The following KIFC3 variants were observed in gnomAD, a reference collection of about 807,000 sequenced individuals.
KIFC3 encodes kinesin family member C3, also known as kinesin-like protein KIFC3.
In KIFC3, 60 loss-of-function variants were observed where a neutral mutation model predicts 101.8. The ratio of observed to expected loss-of-function variants is 0.59; its 90% CI spans 0.48 to 0.73. KIFC3 has a LOEUF of 0.73. Ranked by LOEUF, KIFC3 falls within the 30% of genes least tolerant of loss-of-function variation. The pLI, the probability that KIFC3 is intolerant of heterozygous loss-of-function variation, is 0.00. For missense variants in KIFC3, 966 were observed against 1,137.1 expected (o/e 0.85, Z 2.16); for synonymous variants, 476 against 482.7 (o/e 0.99, Z 0.18).
chr16:57,788,093 C>G (rs1203322467), intron 3 of KIFC3, among the ~76,000 whole-genome samples: 1 of 152,206 alleles, frequency 6.6e-6, no homozygotes, highest in Admixed American at 6.5e-5. Context: ...CAGGCCCTGC[C>G]AGGGAAGAGC....
At chr16:57,790,892 C>A in intron 3 of KIFC3, 1 of 985,154 alleles carries the variant, frequency 1.0e-6, no homozygotes, top group Non-Finnish European at 1.2e-6. Flanking sequence ...CTCTCTCGAC[C>A]CAGAGCTCCA....
chr16:57,819,803 C>A (rs1182390949), intron 1 of KIFC3, among the ~76,000 whole-genome samples: 1 of 151,856 alleles, frequency 6.6e-6, no homozygotes, highest in Non-Finnish European at 1.5e-5. Context: ...TCGTGATCTG[C>A]CTGCCTCAGC....
intron 4 of KIFC3, 57 bp from the exon 5 acceptor site, chr16:57,771,743 G>A: frequency 1.9e-6 from 3 of 1,567,290 alleles, no homozygotes; most frequent in Non-Finnish European, 2.6e-6. Flanking sequence ...ACGGGGGAAA[G>A]AAGAGAGGCC....
chr16:57,840,262 C>G (rs778879802), intron 1 of KIFC3, among the ~76,000 whole-genome samples: 1 of 151,920 alleles, frequency 6.6e-6, no homozygotes, highest in Non-Finnish European at 1.5e-5. Context: ...TGCTTGAACC[C>G]GGGAGGTGGA....
chr16:57,808,825 G>A (rs2055003127), intron 1 of KIFC3, among the ~76,000 whole-genome samples: 1 of 152,216 alleles, frequency 6.6e-6, no homozygotes, highest in Admixed American at 6.5e-5. Context: ...GTGAAAATGA[G>A]AGTAGGGCTA....
chr16:57,772,490 G>C, intron 3 of KIFC3: 1 of 521,844 alleles, frequency 1.9e-6, no homozygotes, highest in Non-Finnish European at 3.5e-6. Flanking sequence ...ACAGCCTCCC[G>C]CACCCTCTCC....
intron 1 of KIFC3, among the ~76,000 whole-genome samples, chr16:57,809,661 T>TA (rs1414617724): frequency 2.0e-5 from 3 of 152,154 alleles, no homozygotes; most frequent in Non-Finnish European, 2.9e-5. Context: ...GTCAATTTCA[T>TA]AAAAAATCTT....
chr16:57,763,637 C>T (rs900350578), intron 12 of KIFC3, among the ~76,000 whole-genome samples: 4 of 151,888 alleles, frequency 2.6e-5, no homozygotes, highest in South Asian at 4.2e-4. Flanking sequence ...GTGCCGGTGA[C>T]GAGCAGGGAG....
At chr16:57,846,149 G>A (rs1441658656) in intron 1 of KIFC3, among the ~76,000 whole-genome samples, 1 of 152,192 alleles carries the variant, frequency 6.6e-6, no homozygotes, top group Non-Finnish European at 1.5e-5. Context: ...ACCAGAGCAG[G>A]AAGAGGCTGG....
intron 3 of KIFC3, among the ~76,000 whole-genome samples, chr16:57,777,496 G>A (rs542563547): frequency 1.3e-5 from 2 of 152,144 alleles, no homozygotes; most frequent in Non-Finnish European, 2.9e-5. Context: ...CGAGGCAGGC[G>A]GATCACCTGA....
intron 1 of KIFC3, among the ~76,000 whole-genome samples, chr16:57,847,760 T>TTGTGTGTGTGTG (rs35081728): frequency 1.4e-3 from 202 of 139,782 alleles, no homozygotes; most frequent in Admixed American, 2.0e-3. Context: ...CCAGATGAAT[T>TTGTGTGTGTGTG]TGTGTGTGTG....
chr16:57,803,550 C>A (rs8043981), upstream of KIFC3: 36,857 of 368,086 alleles, frequency 0.1, 2,203 homozygotes, highest in African/African-American at 0.18. Flanking sequence ...CGGGCAACTC[C>A]AGGTGGGTTC....
At chr16:57,823,761 TTGTG>T (rs542476459) in intron 1 of KIFC3, among the ~76,000 whole-genome samples, 21,234 of 136,498 alleles carry the variant, frequency 0.16, 1,604 homozygotes, top group African/African-American at 0.21. Flanking sequence ...CCCGGCTACT[TTGTG>T]TGTGTGTGTG....
intron 1 of KIFC3, among the ~76,000 whole-genome samples, chr16:57,855,011 G>A (rs1373116287): frequency 2.6e-5 from 4 of 152,084 alleles, no homozygotes; most frequent in South Asian, 2.1e-4. Context: ...TTTGAGGCTT[G>A]GAGTTTGAGA....
chr16:57,787,487 A>G (rs1441982913), intron 3 of KIFC3, among the ~76,000 whole-genome samples: 2 of 152,110 alleles, frequency 1.3e-5, no homozygotes, highest in African/African-American at 2.4e-5. Flanking sequence ...GGGCCAGGAG[A>G]GTGCTTGTGG....
At chr16:57,853,945 T>C (rs1353735836) in intron 1 of KIFC3, among the ~76,000 whole-genome samples, 2 of 151,288 alleles carry the variant, frequency 1.3e-5, no homozygotes, top group Non-Finnish European at 2.9e-5. Flanking sequence ...AATTTTTATT[T>C]GATTATTATT....
At chr16:57,847,264 AAGGAAGGGAAGGG>A (rs2055948000) in intron 1 of KIFC3, among the ~76,000 whole-genome samples, 1 of 61,562 alleles carries the variant, frequency 1.6e-5, no homozygotes, top group Non-Finnish European at 2.8e-5. Flanking sequence ...GGAAGGAAGG[AAGGAAGGGAAGGG>A]AGGGAGGGAG....
At position 57,794,865 on chromosome 16, in the gene KIFC3, G is replaced by A. The variant is rs2054163633; in HGVS notation, c.315+134C>T. On this transcript the variant is annotated intron_variant, in intron 3 of 19. Transcript: ENST00000445690. ...GCTCCCAGGCAGAGGGGTCATGAGG[G>A]GCCCAACAGAGAGGTGCGAGGTGGG... 6 of 718,184 alleles carry A rather than the reference G, an allele frequency of 8.4e-6. No individual in the cohort carries two copies. In the South Asian group the frequency reaches 1.4e-4, roughly 17 times the overall value. 44.5% of individuals were successfully genotyped at this position (718,184 alleles called of 1,614,324 possible).
intron 1 of KIFC3, among the ~76,000 whole-genome samples, chr16:57,859,253 T>C (rs939828916): frequency 6.6e-6 from 1 of 152,236 alleles, no homozygotes; most frequent in Admixed American, 6.5e-5. Flanking sequence ...AAGATAATAT[T>C]GTGCCTGATC....
Sources: gnomAD v4.1 joint callset for allele counts (sites outside exome capture counted in the v4.1 genomes callset) on GRCh38, gnomAD v4.1.1 for gene constraint, MANE v1.5 for transcripts, NCBI Gene and HGNC (gene_info 2026-07-23, HGNC 2026-07-21) for gene names.